The following WARS2 variants were observed in gnomAD, a reference collection of about 807,000 sequenced individuals.
The protein encoded by WARS2 is tryptophan--tRNA ligase, mitochondrial.
Under a neutral mutation model 36.5 loss-of-function variants are expected in WARS2, and 28 were observed. The observed-to-expected ratio is 0.77, with a 90% CI of 0.57 to 1.05. The LOEUF (loss-of-function observed/expected upper bound fraction) is 1.05, where lower values mean the gene tolerates loss of function less well. Among genes scored for constraint, WARS2 ranks in the 50% least tolerant of loss-of-function variants. The pLI, the probability that WARS2 is intolerant of heterozygous loss-of-function variation, is 0.00. For missense variants in WARS2, 435 were observed against 456.8 expected, an observed-to-expected ratio of 0.95 and a Z score of 0.44; for synonymous variants, 174 against 178.4, an observed-to-expected ratio of 0.98 and a Z score of 0.20.
At chr1:119,121,179 A>C (rs1339780811) in intron 1 of WARS2, among the ~76,000 whole-genome samples, 2 of 152,166 alleles carry the variant, frequency 1.3e-5, no homozygotes, top group African/African-American at 2.4e-5. Context: ...TAGATCTAAT[A>C]AATGAATTCT....
At chr1:119,086,535 G>A (rs1652682134) in intron 1 of WARS2, among the ~76,000 whole-genome samples, 1 of 152,184 alleles carries the variant, frequency 6.6e-6, no homozygotes, top group Non-Finnish European at 1.5e-5. Context: ...CAGAGTCAGT[G>A]GGGGAGCTCT....
chr1:119,092,664 A>G (rs1170445558), intron 1 of WARS2, among the ~76,000 whole-genome samples: 1 of 152,106 alleles, frequency 6.6e-6, no homozygotes, highest in Non-Finnish European at 1.5e-5. Flanking sequence ...GCCTCCTCCA[A>G]TTACTAGCTA....
chr1:119,076,670 T>C (rs757444634), intron 1 of WARS2, 63 bp from the exon 2 acceptor site: 10 of 1,594,372 alleles, frequency 6.3e-6, no homozygotes, highest in Non-Finnish European at 8.5e-6. Context: ...CCTATGCCCA[T>C]GTTATCATAG....
At position 119,103,382 on chromosome 1, in the gene WARS2, A is replaced by G. The variant is rs759618007; in HGVS notation, c.91-26775T>C. 8.5e-5 allele frequency among the ~76,000 whole-genome samples: 13 copies of G among 152,226 alleles called. 2 individuals carry two copies. Among genetic ancestry groups the G allele is most frequent in the African/African-American group, 2.6e-4 (11 of 41,532 alleles). Reference sequence around the variant, plus strand: ...CAGATAGGTGGTAATTCACATCCCAACATTTGGATTTGGGTCAAGAGCTTT... The same window carrying G: ...CAGATAGGTGGTAATTCACATCCCAGCATTTGGATTTGGGTCAAGAGCTTT... On this transcript the variant is annotated intron_variant, in intron 1 of 5. Coordinates refer to ENST00000235521, the MANE Select transcript of WARS2 (RefSeq NM_015836.4).
intron 1 of WARS2, among the ~76,000 whole-genome samples, chr1:119,138,749 T>A (rs1292947790): frequency 1.3e-5 from 2 of 152,260 alleles, no homozygotes; most frequent in Middle Eastern, 3.4e-3. Context: ...ATTTATACTT[T>A]AAAAAAATAC....
intron 2 of WARS2, among the ~76,000 whole-genome samples, chr1:119,051,433 A>G (rs1306074746): frequency 1.3e-5 from 2 of 152,140 alleles, no homozygotes; most frequent in East Asian, 1.9e-4. Flanking sequence ...TCTTTATTCA[A>G]TCTGCCATTG....
At chr1:119,054,437 C>CT (rs1649610087) in intron 2 of WARS2, among the ~76,000 whole-genome samples, 1 of 152,036 alleles carries the variant, frequency 6.6e-6, no homozygotes, top group Non-Finnish European at 1.5e-5. Context: ...AACTAGAACT[C>CT]TTGTATACTG....
Position 119,032,531 on chromosome 1 carries a change from G to C in WARS2, c.*380C>G, listed in dbSNP as rs1647512377. Reference sequence around the variant, plus strand: ...GACCTCTATATATTGCTTTATAAAAGGGTTGAAGTAGATAACGTGTGCATC... The same window carrying C: ...GACCTCTATATATTGCTTTATAAAACGGTTGAAGTAGATAACGTGTGCATC... On this transcript the variant is annotated 3_prime_UTR_variant, in exon 6 of 6. Transcript: ENST00000235521. 4.8e-6 allele frequency: 1 copy of C among 206,760 alleles called. No homozygotes were observed. The highest frequency in any genetic ancestry group is 9.7e-6 in the Non-Finnish European group (1 of 102,704). 12.8% of individuals were successfully genotyped at this position (206,760 alleles called of 1,614,324 possible). A position where few individuals can be genotyped will look rare whatever the true frequency, so the allele number is the denominator to read the frequency against.
At chr1:119,074,689 TTTGTGTG>T (rs1367598840) in intron 2 of WARS2, among the ~76,000 whole-genome samples, 3 of 152,210 alleles carry the variant, frequency 2.0e-5, no homozygotes, top group Non-Finnish European at 4.4e-5. Flanking sequence ...GCCCTCTGAA[TTTGTGTG>T]TTCTGCATCC....
chr1:119,061,590 T>C (rs1472701728), intron 2 of WARS2, among the ~76,000 whole-genome samples: 3 of 152,190 alleles, frequency 2.0e-5, no homozygotes, highest in Non-Finnish European at 4.4e-5. Context: ...GGAAGTTGGA[T>C]GCTACCTTCT....
intron 2 of WARS2, among the ~76,000 whole-genome samples, chr1:119,059,186 T>C (rs1650154618): frequency 6.6e-6 from 1 of 152,134 alleles, no homozygotes; most frequent in Non-Finnish European, 1.5e-5. Flanking sequence ...TTTGAGTTCA[T>C]TGTAGATTCT....
chr1:119,105,707 T>A (rs1040672938), intron 1 of WARS2, among the ~76,000 whole-genome samples: 1 of 152,104 alleles, frequency 6.6e-6, no homozygotes, highest in Non-Finnish European at 1.5e-5. Context: ...AGGCCAGGAG[T>A]TCGAGACCAG....
intron 1 of WARS2, among the ~76,000 whole-genome samples, chr1:119,103,823 T>C (rs1164680361): frequency 6.6e-6 from 1 of 151,950 alleles, no homozygotes; most frequent in Admixed American, 6.6e-5. Flanking sequence ...GGCACATTTT[T>C]AAACAACATT....
chr1:119,114,698 G>A (rs910312153), intron 1 of WARS2, among the ~76,000 whole-genome samples: 4 of 152,086 alleles, frequency 2.6e-5, no homozygotes, highest in African/African-American at 7.2e-5. Context: ...GGTAGGATTT[G>A]GCAACTCTTC....
At chr1:119,085,812 G>A (rs1652610159) in intron 1 of WARS2, 1 of 1,609,686 alleles carries the variant, frequency 6.2e-7, no homozygotes, top group Non-Finnish European at 8.5e-7. Flanking sequence ...GTCCCCTTCA[G>A]TCAGCTCATA....
At chr1:119,122,983 CT>C (rs762915106) in intron 1 of WARS2, among the ~76,000 whole-genome samples, 3 of 152,056 alleles carry the variant, frequency 2.0e-5, no homozygotes, top group Non-Finnish European at 4.4e-5. Context: ...TGTAGGAGTT[CT>C]TAACTTGGGT....
chr1:119,046,088 C>T (rs1648795699), intron 2 of WARS2, among the ~76,000 whole-genome samples: 1 of 152,048 alleles, frequency 6.6e-6, no homozygotes, highest in Admixed American at 6.6e-5. Flanking sequence ...CTTCTAAATA[C>T]ATCAAAGCAG....
chr1:119,062,750 C>A, intron 2 of WARS2: 1 of 158,354 alleles, frequency 6.3e-6, no homozygotes, highest in Non-Finnish European at 1.4e-5. Context: ...TCATTTTTCT[C>A]TTGCCACCTC....
At chr1:119,038,303 G>A (rs1033039187) in intron 4 of WARS2, among the ~76,000 whole-genome samples, 10 of 152,294 alleles carry the variant, frequency 6.6e-5, no homozygotes, top group Middle Eastern at 3.4e-3. Flanking sequence ...CCTGCATCTC[G>A]GAAAAATCCA....
Sources: gnomAD v4.1 joint callset for allele counts (sites outside exome capture counted in the v4.1 genomes callset) on GRCh38, gnomAD v4.1.1 for gene constraint, MANE v1.5 for transcripts, NCBI Gene and HGNC (gene_info 2026-07-23, HGNC 2026-07-21) for gene names.